Variants in SOX30 observed in about 807,000 individuals in gnomAD.
SOX30 encodes SRY-box transcription factor 30.
In SOX30, 17 loss-of-function variants were observed where a neutral mutation model predicts 58.6. The observed-to-expected ratio is 0.29, with a 90% CI of 0.20 to 0.44. SOX30 has a LOEUF of 0.44. Ranked by LOEUF, SOX30 falls within the 20% of genes least tolerant of loss-of-function variation. The probability of loss-of-function intolerance (pLI) is 1.00; values close to 1 mark genes in which losing one functional copy is unlikely to be tolerated. For synonymous variants in SOX30, 421 were observed against 400.2 expected, an observed-to-expected ratio of 1.05 and a Z score of -0.62; for missense variants, 951 against 965.8, an observed-to-expected ratio of 0.98 and a Z score of 0.20.
intron 4 of SOX30, among the ~76,000 whole-genome samples, chr5:157,631,062 TATATATACACACA>T (rs1561578540): frequency 1.2e-5 from 1 of 80,638 alleles, no homozygotes; most frequent in Non-Finnish European, 2.6e-5. Flanking sequence ...TATATATATA[TATATATACACACA>T]ATATATGTAT....
At chr5:157,656,008 T>C (rs994032943), upstream of SOX30, among the ~76,000 whole-genome samples, 12 of 152,058 alleles carry the variant, frequency 7.9e-5, no homozygotes, top group African/African-American at 2.9e-4. Flanking sequence ...TGAAAAAAAC[T>C]GGATGAGGTT....
Position 157,638,467 on chromosome 5 carries a change from C to T in SOX30, c.1643G>A (p.Ser548Asn). 1 of 1,614,146 alleles carries T rather than the reference C, an allele frequency of 6.2e-7. No homozygotes were observed. Among genetic ancestry groups the T allele is most frequent in the South Asian group, 1.1e-5 (1 of 91,074 alleles). The change falls in exon 4 of 5, where the codon AGT (serine) becomes AAT (asparagine). Residue 548 changes from serine to asparagine, a missense_variant. This residue lies in a region of SOX30 where 381 missense variants were observed against 390.0 expected (regional missense o/e 0.98). Coordinates refer to ENST00000265007, the MANE Select transcript of SOX30 (RefSeq NM_178424.2). ...VSLESANRIS[S>N]SASTAHARFA... The stretch of plus-strand genomic sequence containing the variant: ...TCTGGCATGGGCAGTACTTGCACTA[C>T]TTGAAATCCTGTTGGCGCTCTCTAG...
Position 157,638,394 on chromosome 5 carries a change from G to A in SOX30, c.1716C>T (p.Ser572=). 6.2e-7 allele frequency: 1 copy of A among 1,613,886 alleles called. No individual in the cohort carries two copies. The highest frequency in any genetic ancestry group is 8.5e-7 in the Non-Finnish European group (1 of 1,179,916). Residue 572 remains serine, a synonymous_variant, in exon 4 of 5, where the codon TCC becomes TCT. Coordinates refer to ENST00000265007, the MANE Select transcript of SOX30 (RefSeq NM_178424.2). ...IQPPREYSSV[S]PCPRSAPIPQ... ...GGATTGGAGCACTTCTGGGACAAGG[G>A]GAAACGCTGGAATACTCCCTAGGAG...
chr5:157,663,723 T>C (rs1220380517), intron 2 of SOX30, among the ~76,000 whole-genome samples: 1 of 152,140 alleles, frequency 6.6e-6, no homozygotes, highest in Non-Finnish European at 1.5e-5. Context: ...CAGCCCAAAA[T>C]CTCCTTAAGT....
intron 3 of SOX30, among the ~76,000 whole-genome samples, chr5:157,646,016 T>C (rs946312458): frequency 2.9e-5 from 3 of 103,654 alleles, no homozygotes; most frequent in African/African-American, 1.5e-4. Flanking sequence ...GAAAACTCCA[T>C]CTCAAAAAAA....
intron 3 of SOX30, 58 bp from the exon 4 acceptor site, chr5:157,638,780 T>A: frequency 6.6e-7 from 1 of 1,512,588 alleles, no homozygotes; most frequent in Admixed American, 2.1e-5. Flanking sequence ...ATGTTTTTCT[T>A]CTTTCAGTAA....
At chr5:157,654,541 C>G (rs1017173431), upstream of SOX30, among the ~76,000 whole-genome samples, 1 of 152,152 alleles carries the variant, frequency 6.6e-6, no homozygotes, top group African/African-American at 2.4e-5. Context: ...AATAAGTTGT[C>G]AGAGGTGTGT....
rs1758634521 is a variant in SOX30 at position 157,625,823 on chromosome 5, T to C, written c.*517A>G. 6.5e-6 allele frequency: 1 copy of C among 152,682 alleles called. No homozygotes were observed. The allele number at this position is 152,682 out of a possible 1,614,324, so 9.5% of individuals were successfully genotyped here. The stretch of plus-strand genomic sequence containing the variant: ...TCACCCAGGTGCCATTAAAACACAT[T>C]TGGAACTTATAATTGGTTATTAGTG... On this transcript the variant is annotated 3_prime_UTR_variant, in exon 5 of 5. Coordinates refer to ENST00000265007, the MANE Select transcript of SOX30 (RefSeq NM_178424.2).
upstream of SOX30, among the ~76,000 whole-genome samples, chr5:157,655,867 CTG>C (rs34663222): frequency 6.6e-6 from 1 of 152,172 alleles, no homozygotes; most frequent in Admixed American, 6.5e-5. Context: ...GGTGTGTTTC[CTG>C]TGTCATTCTG....
In SOX30 at chr5:157,631,036, A is replaced by C. The variant is rs975954634; in HGVS notation, c.1881-4315T>G. Among the ~76,000 whole-genome samples, 447 of 71,492 alleles carry C rather than the reference A, an allele frequency of 6.3e-3. 1 individual carries two copies. Among genetic ancestry groups the C allele is most frequent in the African/African-American group, 0.022 (409 of 18,930 alleles). 46.9% of individuals were successfully genotyped at this position (71,492 alleles called of 152,430 possible). The stretch of plus-strand genomic sequence containing the variant: ...ACTATATATTTTATATATATATACA[A>C]TATATATATTTTATATATATATATA... On this transcript the variant is annotated intron_variant, in intron 4 of 4. Coordinates refer to ENST00000265007, the MANE Select transcript of SOX30 (RefSeq NM_178424.2).
exon 2 of SOX30, chr5:157,667,822 G>T: frequency 6.5e-7 from 1 of 1,535,346 alleles, no homozygotes; most frequent in Non-Finnish European, 8.7e-7. Flanking sequence ...AGTAGACTTT[G>T]TTCCTTCCCT....
chr5:157,643,715 T>C lies in SOX30; in HGVS notation c.1387+2922A>G, dbSNP rs544256676. 2.0e-5 allele frequency among the ~76,000 whole-genome samples: 3 copies of C among 152,328 alleles called. No individual in the cohort carries two copies. In the South Asian group the frequency reaches 6.2e-4, roughly 32 times the overall value. On this transcript the variant is annotated intron_variant, in intron 3 of 4. Transcript: ENST00000265007. ...AAAATCATATACCTCACTATCTTGA[T>C]ATCTTTCTTCCATGGAAATACAGCA... is the stretch of plus-strand genomic sequence containing the variant.
Position 157,671,374 on chromosome 5 carries a change from C to T in SOX30, c.-48G>A, listed in dbSNP as rs1391914832. 5.6e-6 allele frequency: 3 copies of T among 537,782 alleles called. No homozygotes were observed. The East Asian group carries it at 9.8e-5, about 18-fold the overall frequency. 33.3% of individuals were successfully genotyped at this position (537,782 alleles called of 1,614,324 possible). A position where few individuals can be genotyped will look rare whatever the true frequency, so the allele number is the denominator to read the frequency against. On this transcript the variant is annotated 5_prime_UTR_variant, in exon 1 of 6. Coordinates refer to the SOX30 transcript ENST00000519442. ...ACCCGTCCGTCTTCACAGCAACGCGCCGGGTCTCACCACGGCGGATGCCGA... is the reference window on the plus strand; with the variant it reads ...ACCCGTCCGTCTTCACAGCAACGCGTCGGGTCTCACCACGGCGGATGCCGA...
At chr5:157,645,367 A>G (rs1759163582) in intron 3 of SOX30, among the ~76,000 whole-genome samples, 1 of 152,144 alleles carries the variant, frequency 6.6e-6, no homozygotes, top group Admixed American at 6.6e-5. Context: ...CAGTCTTAGT[A>G]GGTTTAAGAA....
Position 157,652,429 on chromosome 5 carries a change from C to A in SOX30, c.-351G>T. 1 of 1,026,614 alleles carries A rather than the reference C, an allele frequency of 9.7e-7. No homozygotes were observed. The highest frequency in any genetic ancestry group is 1.2e-6 in the Non-Finnish European group (1 of 855,596). 63.6% of individuals were successfully genotyped at this position (1,026,614 alleles called of 1,614,324 possible). On this transcript the variant is annotated 5_prime_UTR_variant, in exon 1 of 5. Coordinates refer to ENST00000265007, the MANE Select transcript of SOX30 (RefSeq NM_178424.2). ...TTAGTCATCCCTCCCCCACCCGGAGCTGCGACAATGGCGTTGCCCAGGAAA... is the reference window on the plus strand; with the variant it reads ...TTAGTCATCCCTCCCCCACCCGGAGATGCGACAATGGCGTTGCCCAGGAAA...
chr5:157,632,636 C>T (rs1479146299), intron 4 of SOX30, among the ~76,000 whole-genome samples: 2 of 152,098 alleles, frequency 1.3e-5, no homozygotes, highest in African/African-American at 4.8e-5. Context: ...TGTCTGCATC[C>T]AGTGGACAGG....
At chr5:157,647,524 C>G (rs1759222297) in intron 2 of SOX30, among the ~76,000 whole-genome samples, 1 of 152,082 alleles carries the variant, frequency 6.6e-6, no homozygotes, top group Non-Finnish European at 1.5e-5. Context: ...TTACAATCAT[C>G]TATATCTTAC....
intron 2 of SOX30, among the ~76,000 whole-genome samples, chr5:157,657,480 T>C (rs1342446480): frequency 3.3e-5 from 5 of 152,146 alleles, no homozygotes; most frequent in African/African-American, 2.4e-5. Context: ...ACTTTGGAAA[T>C]TGTGATATTA....
chr5:157,658,173 A>G (rs942710278), intron 2 of SOX30, among the ~76,000 whole-genome samples: 1 of 152,226 alleles, frequency 6.6e-6, no homozygotes, highest in Non-Finnish European at 1.5e-5. Context: ...TATGGAATAA[A>G]GTTGCATCAA....
Sources: gnomAD v4.1 joint callset for allele counts (sites outside exome capture counted in the v4.1 genomes callset) on GRCh38, gnomAD v4.1.1 for gene constraint, gnomAD v4.1.1 regional missense constraint, MANE v1.5 for transcripts, NCBI Gene and HGNC (gene_info 2026-07-23, HGNC 2026-07-21) for gene names.